KYNU: variants seen among roughly 807,000 people sequenced by gnomAD.
KYNU encodes L-kynurenine hydrolase.
KYNU carries 54 observed loss-of-function variants against 59.2 expected under a neutral mutation model. That is an observed-to-expected ratio of 0.91 (90% confidence interval 0.73 to 1.14). KYNU has a LOEUF of 1.14. Ranked by LOEUF, KYNU falls within the 50% of genes most tolerant of loss-of-function variation. The pLI is 0.00. For synonymous variants in KYNU, 177 were observed against 192.0 expected (o/e 0.92, Z 0.65); for missense variants, 567 against 554.4 (o/e 1.02, Z -0.23).
intron 10 of KYNU, among the ~76,000 whole-genome samples, chr2:143,006,371 G>A (rs1353884332): frequency 6.6e-6 from 1 of 151,888 alleles, no homozygotes; most frequent in Non-Finnish European, 1.5e-5. Flanking sequence ...GGCGCACCAC[G>A]AGATTATATC....
At chr2:143,022,726 A>G (rs1166628774) in intron 10 of KYNU, among the ~76,000 whole-genome samples, 1 of 152,028 alleles carries the variant, frequency 6.6e-6, no homozygotes, top group African/African-American at 2.4e-5. Context: ...TGCTGGGATT[A>G]GGATGAATAA....
chr2:142,999,617 T>G (rs1054671830), intron 10 of KYNU, among the ~76,000 whole-genome samples: 2 of 152,152 alleles, frequency 1.3e-5, no homozygotes, highest in African/African-American at 4.8e-5. Flanking sequence ...ATGTAATTAT[T>G]TTTTATTTTC....
chr2:142,972,288 C>T (rs1684748262), intron 8 of KYNU, among the ~76,000 whole-genome samples: 1 of 152,042 alleles, frequency 6.6e-6, no homozygotes, highest in Non-Finnish European at 1.5e-5. Context: ...CTTTTCCTTT[C>T]TTCCAAACCC....
chr2:143,042,057 G>A lies in KYNU; in HGVS notation c.1283G>A (p.Arg428Gln), dbSNP rs575964691. 23 of 1,611,486 alleles carry A rather than the reference G, an allele frequency of 1.4e-5. No individual in the cohort carries two copies. Among genetic ancestry groups the A allele is most frequent in the African/African-American group, 5.4e-5 (4 of 74,764 alleles). The change falls in exon 14 of 14, where the codon CGG (arginine) becomes CAG (glutamine). Residue 428 changes from arginine to glutamine, a missense_variant. By Grantham distance (43) the Arg-to-Gln change is conservative (BLOSUM62 1). Coordinates refer to ENST00000264170, the MANE Select transcript of KYNU (RefSeq NM_003937.3). ...ATTTTTTCCCCACAGTGTGACAAGCGGAATCCAAATGGCATTCGAGTGGCT... is the reference window on the plus strand; with the variant it reads ...ATTTTTTCCCCACAGTGTGACAAGCAGAATCCAAATGGCATTCGAGTGGCT... ...LEKRGVVCDK[R>Q]NPNGIRVAPV...
chr2:142,933,594 C>T (rs1475510313), intron 4 of KYNU, among the ~76,000 whole-genome samples: 1 of 151,978 alleles, frequency 6.6e-6, no homozygotes, highest in African/African-American at 2.4e-5. Flanking sequence ...AAGAGCTAGC[C>T]CTAGATAGGT....
At chr2:142,888,749 C>T (rs995408015) in intron 2 of KYNU, among the ~76,000 whole-genome samples, 4 of 151,508 alleles carry the variant, frequency 2.6e-5, no homozygotes, top group African/African-American at 9.7e-5. Flanking sequence ...ATCTTAATGT[C>T]TAAGGATTCA....
intron 13 of KYNU, 140 bp downstream of exon 13, chr2:143,040,798 G>A (rs1458743551): frequency 1.1e-5 from 7 of 622,038 alleles, no homozygotes; most frequent in African/African-American, 1.1e-4. Flanking sequence ...TGCCAACTAA[G>A]CCCTCAGCAC....
intron 2 of KYNU, among the ~76,000 whole-genome samples, chr2:142,898,811 C>A (rs1204668585): frequency 1.3e-5 from 2 of 152,110 alleles, no homozygotes; most frequent in South Asian, 4.1e-4. Context: ...TTGGGCCATG[C>A]GGTGAGTGTT....
intron 4 of KYNU, among the ~76,000 whole-genome samples, chr2:142,946,716 T>A (rs116835762): frequency 4.0e-3 from 609 of 152,272 alleles, no homozygotes; most frequent in Middle Eastern, 0.01. Context: ...GGTAAATAAA[T>A]ATTGGCCTAA....
chr2:143,042,346 G>A lies in KYNU; in HGVS notation c.*174G>A. 1 of 643,538 alleles carries A rather than the reference G, an allele frequency of 1.6e-6. No homozygotes were observed. The highest frequency in any genetic ancestry group is 2.6e-6 in the Non-Finnish European group (1 of 388,344). The allele number at this position is 643,538 out of a possible 1,614,324, so 39.9% of individuals were successfully genotyped here. ...ATTTTTCAGAGTCTGTGGCACTAAG[G>A]AGTCCACAGGGCTGCCTAGGTGCTT... On this transcript the variant is annotated 3_prime_UTR_variant, in exon 14 of 14. Coordinates refer to ENST00000264170, the MANE Select transcript of KYNU (RefSeq NM_003937.3).
chr2:142,991,128 T>G (rs941210848), intron 10 of KYNU, among the ~76,000 whole-genome samples: 1 of 151,934 alleles, frequency 6.6e-6, no homozygotes, highest in Non-Finnish European at 1.5e-5. Context: ...CAGTTAACAT[T>G]GTATGAAGAG....
chr2:142,985,304 T>C, intron 9 of KYNU, 122 bp downstream of exon 9: 1 of 704,136 alleles, frequency 1.4e-6, no homozygotes, highest in South Asian at 1.5e-5. Context: ...TTTTATTGTA[T>C]TTTCTGCTTT....
At chr2:142,978,425 G>C (rs1028772151) in intron 8 of KYNU, among the ~76,000 whole-genome samples, 4 of 152,172 alleles carry the variant, frequency 2.6e-5, no homozygotes, top group African/African-American at 4.8e-5. Flanking sequence ...GTATGGTATA[G>C]AAGCTGCATT....
intron 8 of KYNU, among the ~76,000 whole-genome samples, chr2:142,967,975 A>G (rs1449624788): frequency 6.6e-6 from 1 of 152,222 alleles, no homozygotes; most frequent in Non-Finnish European, 1.5e-5. Context: ...ATCCATAAAA[A>G]TTAACCTCTT....
At chr2:142,908,652 TG>T (rs1377179870) in intron 2 of KYNU, among the ~76,000 whole-genome samples, 1 of 151,958 alleles carries the variant, frequency 6.6e-6, no homozygotes, top group African/African-American at 2.4e-5. Flanking sequence ...TTTTTTTTTT[TG>T]AGATGGAGTC....
At chr2:143,019,826 A>G (rs541202074) in intron 10 of KYNU, among the ~76,000 whole-genome samples, 3 of 152,012 alleles carry the variant, frequency 2.0e-5, no homozygotes, top group East Asian at 1.9e-4. Flanking sequence ...TATTGCTTCA[A>G]TCTTCTTACT....
chr2:143,016,780 G>A (rs1007478454), intron 10 of KYNU, among the ~76,000 whole-genome samples: 10 of 152,064 alleles, frequency 6.6e-5, no homozygotes, highest in Non-Finnish European at 2.9e-5. Flanking sequence ...GGGTACCTAT[G>A]CAGGCTTATT....
intron 12 of KYNU, among the ~76,000 whole-genome samples, chr2:143,034,262 T>C (rs939813264): frequency 1.3e-5 from 2 of 152,060 alleles, no homozygotes; most frequent in Non-Finnish European, 2.9e-5. Context: ...AATAGAAGTT[T>C]TACATAGAAC....
chr2:142,994,588 T>C (rs1312986361), intron 10 of KYNU, among the ~76,000 whole-genome samples: 1 of 152,082 alleles, frequency 6.6e-6, no homozygotes, highest in African/African-American at 2.4e-5. Flanking sequence ...AAAATAACCA[T>C]GTGGCACTAT....
Sources: gnomAD v4.1 joint callset for allele counts (sites outside exome capture counted in the v4.1 genomes callset) on GRCh38, gnomAD v4.1.1 for gene constraint, MANE v1.5 for transcripts, NCBI Gene and HGNC (gene_info 2026-07-23, HGNC 2026-07-21) for gene names.